The following ASTN2 variants were observed in gnomAD, a reference collection of about 807,000 sequenced individuals.
ASTN2 encodes astrotactin 2.
In ASTN2, 54 loss-of-function variants were observed where a neutral mutation model predicts 139.8. The observed-to-expected ratio is 0.39, with a 90% CI of 0.31 to 0.48. The LOEUF is 0.48. ASTN2 is among the 20% of genes least tolerant of loss of function. ASTN2 has a pLI of 0.95. For missense variants in ASTN2, 1,565 were observed against 1,725.1 expected, an observed-to-expected ratio of 0.91 and a Z score of 1.64; for synonymous variants, 756 against 719.5, an observed-to-expected ratio of 1.05 and a Z score of -0.81.
chr9:117,367,804 C>T (rs1829882909), intron 1 of ASTN2, among the ~76,000 whole-genome samples: 1 of 152,108 alleles, frequency 6.6e-6, no homozygotes, highest in Non-Finnish European at 1.5e-5. Flanking sequence ...ACCTCTAACC[C>T]AGTGTTATTT....
At chr9:116,851,087 G>T (rs563502098) in intron 11 of ASTN2, among the ~76,000 whole-genome samples, 1 of 152,284 alleles carries the variant, frequency 6.6e-6, no homozygotes, top group East Asian at 1.9e-4. Context: ...TCAACTGTGG[G>T]TTGTCTAATA....
chr9:116,670,827 CATTATT>C (rs1316933085), intron 16 of ASTN2, among the ~76,000 whole-genome samples: 4 of 152,172 alleles, frequency 2.6e-5, no homozygotes, highest in Admixed American at 6.5e-5. Flanking sequence ...TTGGCAATAA[CATTATT>C]ATTATTATTT....
At chr9:117,229,005 A>AAAAACAAAAC (rs71268506) in intron 2 of ASTN2, among the ~76,000 whole-genome samples, 19 of 150,598 alleles carry the variant, frequency 1.3e-4, no homozygotes, top group Admixed American at 8.6e-4. Context: ...CTCCATTTCA[A>AAAAACAAAAC]AAAACAAAAC....
rs547350343 is a variant in ASTN2 at position 117,316,666 on chromosome 9, T to C, written c.443-25153A>G. 7.0e-4 allele frequency among the ~76,000 whole-genome samples: 106 copies of C among 152,290 alleles called. No individual in the cohort carries two copies. In the South Asian group the frequency reaches 0.015, roughly 21 times the overall value. On this transcript the variant is annotated intron_variant, in intron 1 of 22. Coordinates refer to ENST00000313400, the MANE Select transcript of ASTN2 (RefSeq NM_001365068.1). ...CCTCAGAATTGTGTTTCTGCCTCCA[T>C]TGAATGACCGGAACACTCTAACTCC...
intron 13 of ASTN2, 127 bp downstream of exon 13, chr9:116,805,505 C>T (rs1296693022): frequency 2.4e-6 from 2 of 838,104 alleles, no homozygotes; most frequent in African/African-American, 1.7e-5. Flanking sequence ...AAGAGGGTAC[C>T]TGTGAGCTTA....
Position 116,868,886 on chromosome 9 carries a change from C to T in ASTN2, c.1890-5153G>A, listed in dbSNP as rs570836985. Among the ~76,000 whole-genome samples the T allele has an allele frequency of 1.7e-3, 260 of 152,204 alleles. 2 individuals carry two copies. The highest frequency in any genetic ancestry group is 1.0e-3 in the Non-Finnish European group (68 of 68,006). ...TGCCTGTGTGTCTGTGTGTCCTCTC[C>T]TTTTTTTAAAATGACACCATTTGGG... On this transcript the variant is annotated intron_variant, in intron 10 of 22. Transcript: ENST00000313400.
intron 17 of ASTN2, among the ~76,000 whole-genome samples, chr9:116,626,085 T>A (rs1459813570): frequency 6.6e-6 from 1 of 151,578 alleles, no homozygotes; most frequent in Non-Finnish European, 1.5e-5. Flanking sequence ...GTTCAAGAGA[T>A]TCTCCTGCCT....
chr9:116,500,470 C>T (rs1036892893), intron 19 of ASTN2, among the ~76,000 whole-genome samples: 1 of 152,170 alleles, frequency 6.6e-6, no homozygotes, highest in Non-Finnish European at 1.5e-5. Context: ...GTGAGCTGAG[C>T]CATGACTAAT....
At chr9:116,687,173 G>A in intron 16 of ASTN2, 3 of 1,064,530 alleles carry the variant, frequency 2.8e-6, no homozygotes, top group Non-Finnish European at 3.4e-6. Context: ...GGTTCTCAGA[G>A]GAAAGCTCAC....
chr9:116,921,575 G>A (rs1834607810), intron 10 of ASTN2, among the ~76,000 whole-genome samples: 1 of 118,772 alleles, frequency 8.4e-6, no homozygotes. Flanking sequence ...GCGACCGAGC[G>A]AGACTCCGTC....
At chr9:116,711,605 A>G (rs1018892088) in intron 16 of ASTN2, among the ~76,000 whole-genome samples, 2 of 152,084 alleles carry the variant, frequency 1.3e-5, no homozygotes, top group African/African-American at 4.8e-5. Context: ...TAGACTCAGT[A>G]TATTCAAAAC....
intron 16 of ASTN2, among the ~76,000 whole-genome samples, chr9:116,687,944 T>C (rs1384385077): frequency 6.6e-6 from 1 of 151,882 alleles, no homozygotes; most frequent in Non-Finnish European, 1.5e-5. Context: ...TGAGGGACTC[T>C]ATCTTGTTAG....
intron 4 of ASTN2, among the ~76,000 whole-genome samples, chr9:117,116,427 A>G (rs1338542401): frequency 1.3e-5 from 2 of 152,174 alleles, no homozygotes; most frequent in Non-Finnish European, 2.9e-5. Context: ...TGGAGGCACT[A>G]CAGGGTCTTT....
intron 12 of ASTN2, among the ~76,000 whole-genome samples, chr9:116,815,286 T>A (rs1213257225): frequency 1.3e-5 from 2 of 152,182 alleles, no homozygotes; most frequent in Non-Finnish European, 2.9e-5. Context: ...CTCTTAAAAT[T>A]ACATAAAGAG....
intron 16 of ASTN2, among the ~76,000 whole-genome samples, chr9:116,725,548 A>C (rs560005228): frequency 2.3e-4 from 35 of 152,290 alleles, no homozygotes; most frequent in African/African-American, 7.7e-4. Flanking sequence ...TTGAGGCCTC[A>C]GAAAATGCCT....
At chr9:117,280,619 C>T (rs372980636) in intron 2 of ASTN2, among the ~76,000 whole-genome samples, 6 of 152,140 alleles carry the variant, frequency 3.9e-5, no homozygotes, top group South Asian at 2.1e-4. Context: ...ATTCTCCCTT[C>T]GAGCCCCAGG....
intron 10 of ASTN2, among the ~76,000 whole-genome samples, chr9:116,891,484 C>T (rs893968921): frequency 1.3e-5 from 2 of 152,158 alleles, no homozygotes; most frequent in African/African-American, 4.8e-5. Flanking sequence ...TATCTTAGCC[C>T]AACTGTGTAA....
chr9:117,298,509 G>A (rs1834789150), intron 1 of ASTN2, among the ~76,000 whole-genome samples: 1 of 151,964 alleles, frequency 6.6e-6, no homozygotes, highest in South Asian at 2.1e-4. Context: ...GCCTCACAGG[G>A]TCGTTTTTAG....
At chr9:117,123,182 C>A (rs1298943452) in intron 4 of ASTN2, among the ~76,000 whole-genome samples, 1 of 152,014 alleles carries the variant, frequency 6.6e-6, no homozygotes, top group Non-Finnish European at 1.5e-5. Context: ...CTGTCAAGTT[C>A]CCACGGGATG....
Sources: gnomAD v4.1 joint callset for allele counts (sites outside exome capture counted in the v4.1 genomes callset) on GRCh38, gnomAD v4.1.1 for gene constraint, MANE v1.5 for transcripts, NCBI Gene and HGNC (gene_info 2026-07-23, HGNC 2026-07-21) for gene names.